TAF1: variants seen among roughly 807,000 people sequenced by gnomAD.
TAF1 encodes transcription initiation factor TFIID subunit 1.
TAF1 carries 2 observed loss-of-function variants against 138.5 expected under a neutral mutation model. The ratio of observed to expected loss-of-function variants is 0.01; its 90% CI spans 0.01 to 0.05. The LOEUF (loss-of-function observed/expected upper bound fraction) is 0.05. Ranked by LOEUF, TAF1 falls within the 10% of genes least tolerant of loss-of-function variation. TAF1 has a pLI of 1.00. For missense variants in TAF1, 709 were observed against 1,478.0 expected, an observed-to-expected ratio of 0.48 and a Z score of 8.53; for synonymous variants, 437 against 503.2, an observed-to-expected ratio of 0.87 and a Z score of 1.76.
chrX:71,420,477 T>C lies in TAF1; in HGVS notation c.4385-832T>C. 4 of 1,207,356 alleles carry C rather than the reference T, an allele frequency of 3.3e-6. No homozygotes were observed. The South Asian group carries it at 5.3e-5, about 16-fold the overall frequency. ...TGCACCATAGTCAACATTGCCAACA[T>C]AGATGGAACGGGCATCGGCCTCCAT... On this transcript the variant is annotated intron_variant, in intron 28 of 37. Transcript: ENST00000423759.
At chrX:71,479,858 C>A (rs184979152) in intron 13 of TAF1, among the ~76,000 whole-genome samples, 18 of 111,488 alleles carry the variant, frequency 1.6e-4, no homozygotes, top group Admixed American at 1.4e-3. Context: ...GGTGAGAAAG[C>A]AGCTAGGCTA....
chrX:71,502,304 G>A (rs961419814), intron 13 of TAF1, among the ~76,000 whole-genome samples: 1 of 111,060 alleles, frequency 9.0e-6, no homozygotes, highest in African/African-American at 3.3e-5. Context: ...GCTGATTGGT[G>A]CGTTTTTACA....
chrX:71,483,229 C>G (rs1210394786), intron 13 of TAF1, among the ~76,000 whole-genome samples: 1 of 93,172 alleles, frequency 1.1e-5, no homozygotes, highest in Non-Finnish European at 2.0e-5. Flanking sequence ...CTCAAGTGAT[C>G]TTCCTGCCTC....
At chrX:71,384,415 T>A (rs2034087781) in intron 13 of TAF1, among the ~76,000 whole-genome samples, 1 of 94,533 alleles carries the variant, frequency 1.1e-5, no homozygotes, top group African/African-American at 3.6e-5. Context: ...AATCCAAAAC[T>A]TTTTTTTTTT....
At chrX:71,389,998 C>T (rs1172414442) in intron 18 of TAF1, among the ~76,000 whole-genome samples, 1 of 110,741 alleles carries the variant, frequency 9.0e-6, no homozygotes, top group Non-Finnish European at 1.9e-5. Context: ...CCTCAGCCTC[C>T]CGAGTAGCTG....
rs2148488863 is a variant in TAF1, at chrX:71,408,162, A to G, written c.4384+11A>G. The G allele has an allele frequency of 8.3e-7, 1 of 1,209,203 alleles. No individual in the cohort carries two copies. Among genetic ancestry groups the G allele is most frequent in the East Asian group, 3.0e-5 (1 of 33,831 alleles). On this transcript the variant is annotated intron_variant, in intron 28 of 37. Transcript: ENST00000423759. ...GTGCAACCTACAATGGTAAGAATCA[A>G]ATGTTCCGTGATTGCAAAGGTCACT...
chrX:71,444,329 G>A (rs2037579442), intron 32 of TAF1, among the ~76,000 whole-genome samples: 1 of 111,675 alleles, frequency 9.0e-6, no homozygotes. Flanking sequence ...TGGGTTTTGA[G>A]GGTTGTTTAT....
At chrX:71,519,681 G>A (rs1198273406) in intron 13 of TAF1, among the ~76,000 whole-genome samples, 1 of 111,628 alleles carries the variant, frequency 9.0e-6, no homozygotes, top group Non-Finnish European at 1.9e-5. Context: ...CAAATAAAAA[G>A]GATGTTTATA....
intron 13 of TAF1, among the ~76,000 whole-genome samples, chrX:71,483,780 C>CTATATATATA (rs1556022684): frequency 7.5e-4 from 28 of 37,562 alleles, no homozygotes; most frequent in South Asian, 2.2e-3. Flanking sequence ...CTCTCTCTCT[C>CTATATATATA]TATATATATA....
At chrX:71,442,307 C>T (rs1345162383) in intron 32 of TAF1, among the ~76,000 whole-genome samples, 2 of 112,281 alleles carry the variant, frequency 1.8e-5, no homozygotes, top group African/African-American at 6.5e-5. Context: ...TCCTATTTCT[C>T]CACATCCTTT....
chrX:71,380,140 G>A (rs890457140), intron 8 of TAF1, among the ~76,000 whole-genome samples: 38 of 111,035 alleles, frequency 3.4e-4, no homozygotes, highest in African/African-American at 1.2e-3. Context: ...TTCTGTGTGT[G>A]TATGTAGTTG....
intron 15 of TAF1, 42 bp from the exon 16 acceptor site, chrX:71,388,195 C>T: frequency 8.3e-7 from 1 of 1,204,625 alleles, no homozygotes. Context: ...GGACTTTTAT[C>T]CTTTTCTTTG....
At chrX:71,401,174 G>C (rs1366508065) in intron 24 of TAF1, among the ~76,000 whole-genome samples, 4 of 111,773 alleles carry the variant, frequency 3.6e-5, no homozygotes, top group Non-Finnish European at 7.5e-5. Flanking sequence ...TTCCATACAT[G>C]CAGATTTGTC....
At chrX:71,448,720 CAT>C (rs2037808390) in intron 32 of TAF1, among the ~76,000 whole-genome samples, 1 of 111,307 alleles carries the variant, frequency 9.0e-6, no homozygotes, top group Non-Finnish European at 1.9e-5. Flanking sequence ...ATATCAAACA[CAT>C]AAGTGTATCA....
intron 28 of TAF1, among the ~76,000 whole-genome samples, chrX:71,411,487 G>GA (rs1013878694): frequency 2.8e-5 from 3 of 108,746 alleles, no homozygotes; most frequent in East Asian, 2.9e-4. Context: ...TCAAAAAAAA[G>GA]AAAAAAAAAG....
At chrX:71,476,520 G>T (rs769295268) in intron 13 of TAF1, among the ~76,000 whole-genome samples, 1 of 110,290 alleles carries the variant, frequency 9.1e-6, no homozygotes, top group African/African-American at 3.3e-5. Context: ...GTACACGCCT[G>T]TGGTCCCAGC....
At chrX:71,440,358 T>C (rs1168346735) in intron 32 of TAF1, among the ~76,000 whole-genome samples, 2 of 111,837 alleles carry the variant, frequency 1.8e-5, no homozygotes, top group Non-Finnish European at 3.8e-5. Context: ...CATTCAGATT[T>C]TCACTATTTT....
chrX:71,463,905 A>AGAGGAGGAAGAAGATGAG lies in TAF1; in HGVS notation c.5493_5510dup (p.Asp1832_Glu1837dup). 2 of 1,209,675 alleles carry AGAGGAGGAAGAAGATGAG rather than the reference A, an allele frequency of 1.7e-6. No individual in the cohort carries two copies. Among genetic ancestry groups the AGAGGAGGAAGAAGATGAG allele is most frequent in the Admixed American group, 2.2e-5 (1 of 45,808 alleles). ...GCAGCATCGGTGGGTATGAGGTATCAGAGGAGGAAGAAGATGAGGAGGAGG... is the reference window on the plus strand; with the variant it reads ...GCAGCATCGGTGGGTATGAGGTATCAGAGGAGGAAGAAGATGAGGAGGAGGAAGAAGATGAGGAGGAGG... On this transcript the variant is annotated inframe_insertion, in exon 38 of 38. Transcript: ENST00000423759.
At chrX:71,442,885 G>A (rs1302689277) in intron 32 of TAF1, among the ~76,000 whole-genome samples, 1 of 112,091 alleles carries the variant, frequency 8.9e-6, no homozygotes, top group Admixed American at 9.4e-5. Context: ...CATACGGCTA[G>A]ACAGTTTTCC....
Sources: allele counts gnomAD v4.1 joint callset (sites outside exome capture counted in the v4.1 genomes callset), GRCh38; gene constraint gnomAD v4.1.1; transcripts MANE v1.5; gene names NCBI Gene and HGNC (gene_info 2026-07-23, HGNC 2026-07-21).